The following PRRX1 variants were observed in gnomAD, a reference collection of about 807,000 sequenced individuals.
PRRX1 encodes the protein paired related homeobox 1.
PRRX1 carries 8 observed loss-of-function variants against 24.0 expected under a neutral mutation model. The ratio of observed to expected loss-of-function variants is 0.33; its 90% CI spans 0.20 to 0.60. The LOEUF (loss-of-function observed/expected upper bound fraction) is 0.60. Ranked by LOEUF, PRRX1 falls within the 20% of genes least tolerant of loss-of-function variation. The pLI is 0.82. For missense variants in PRRX1, 281 were observed against 322.4 expected (o/e 0.87, Z 0.98); for synonymous variants, 160 against 131.7 (o/e 1.22, Z -1.47).
At chr1:170,673,381 C>CT (rs1168831840) in intron 1 of PRRX1, among the ~76,000 whole-genome samples, 1 of 152,164 alleles carries the variant, frequency 6.6e-6, no homozygotes, top group Non-Finnish European at 1.5e-5. Context: ...AAATTGTTGC[C>CT]TGTGTTCAGT....
At chr1:170,733,169 C>T (rs1225548684) in intron 3 of PRRX1, among the ~76,000 whole-genome samples, 1 of 152,158 alleles carries the variant, frequency 6.6e-6, no homozygotes, top group Non-Finnish European at 1.5e-5. Flanking sequence ...GCTAAGTCCT[C>T]AGACTAGAAT....
At chr1:170,714,763 T>G (rs1181278817) in intron 1 of PRRX1, among the ~76,000 whole-genome samples, 1 of 152,116 alleles carries the variant, frequency 6.6e-6, no homozygotes, top group Non-Finnish European at 1.5e-5. Flanking sequence ...TGCCTTCTTC[T>G]CCACCTTCCC....
At chr1:170,689,862 C>G (rs377669185) in intron 1 of PRRX1, among the ~76,000 whole-genome samples, 1 of 133,310 alleles carries the variant, frequency 7.5e-6, no homozygotes, top group African/African-American at 2.9e-5. Context: ...CTCTCTCTCT[C>G]TCTCTCTCTC....
intron 1 of PRRX1, among the ~76,000 whole-genome samples, chr1:170,692,899 G>A (rs927846976): frequency 6.6e-6 from 1 of 151,992 alleles, no homozygotes; most frequent in African/African-American, 2.4e-5. Context: ...TTAGGACTTG[G>A]CCTAATCCTA....
At chr1:170,677,731 T>A (rs139736078) in intron 1 of PRRX1, among the ~76,000 whole-genome samples, 1 of 152,340 alleles carries the variant, frequency 6.6e-6, no homozygotes, top group East Asian at 1.9e-4. Context: ...GCTCAGAAGT[T>A]GCTGACTATG....
rs1183927990 is a variant in PRRX1, at chr1:170,697,657, A to AATATACATATATTTATATATGCATAT, written c.242-22057_242-22032dup. ...AAAAGATATATTTTATGTATCTGTA[A>AATATACATATATTTATATATGCATAT]ATATACATATATTTATATATGCATA... is the stretch of plus-strand genomic sequence containing the variant. On this transcript the variant is annotated intron_variant, in intron 1 of 3. Coordinates refer to ENST00000239461, the MANE Select transcript of PRRX1 (RefSeq NM_022716.4). 5.6e-4 allele frequency among the ~76,000 whole-genome samples: 83 copies of AATATACATATATTTATATATGCATAT among 148,586 alleles called. No individual in the cohort carries two copies. The South Asian group carries it at 0.016, about 29-fold the overall frequency.
intron 2 of PRRX1, among the ~76,000 whole-genome samples, chr1:170,724,296 C>T (rs1257283152): frequency 6.6e-6 from 1 of 152,160 alleles, no homozygotes; most frequent in East Asian, 1.9e-4. Context: ...AATTAGATCC[C>T]ATTTGTCAAT....
Position 170,736,282 on chromosome 1 carries a change from A to G in PRRX1, c.*96A>G. ...TCTTCATCTGCTGGGGGGAAAAAGTAAATTACAAACAAACAAACAAAGCAG... is the reference window on the plus strand; with the variant it reads ...TCTTCATCTGCTGGGGGGAAAAAGTGAATTACAAACAAACAAACAAAGCAG... On this transcript the variant is annotated 3_prime_UTR_variant, in exon 4 of 4. Transcript: ENST00000239461. The G allele has an allele frequency of 1.3e-6, 2 of 1,506,194 alleles. No individual in the cohort carries two copies. Among genetic ancestry groups the G allele is most frequent in the Middle Eastern group, 1.9e-4 (1 of 5,338 alleles). The allele number at this position is 1,506,194 out of a possible 1,614,324, so 93.3% of individuals were successfully genotyped here. A position where few individuals can be genotyped will look rare whatever the true frequency, so the allele number is the denominator to read the frequency against.
intron 3 of PRRX1, 137 bp from the exon 4 acceptor site, chr1:170,735,911 G>A (rs1655585063): frequency 8.6e-7 from 1 of 1,161,880 alleles, no homozygotes; most frequent in Non-Finnish European, 1.3e-6. Flanking sequence ...GGCTGTAAGG[G>A]ACCCTAGAGG....
chr1:170,703,870 A>G (rs1654475436), intron 1 of PRRX1, among the ~76,000 whole-genome samples: 1 of 152,226 alleles, frequency 6.6e-6, no homozygotes. Context: ...ACCAAAATAC[A>G]TAGAAAACAA....
At chr1:170,668,012 C>G (rs1233315257) in intron 1 of PRRX1, 2 of 152,244 alleles carry the variant, frequency 1.3e-5, no homozygotes, top group Non-Finnish European at 2.9e-5. Flanking sequence ...TCCCCACCCC[C>G]ACCTTGGTTG....
intron 1 of PRRX1, among the ~76,000 whole-genome samples, chr1:170,713,952 G>C (rs546182460): frequency 1.3e-5 from 2 of 152,268 alleles, no homozygotes; most frequent in South Asian, 2.1e-4. Flanking sequence ...CTCTTGATAC[G>C]TGCTGGGAGT....
chr1:170,700,828 A>G (rs141588938), intron 1 of PRRX1, among the ~76,000 whole-genome samples: 15 of 152,276 alleles, frequency 9.9e-5, no homozygotes, highest in South Asian at 8.3e-4. Context: ...GTCCTCTACC[A>G]TCTGGCCCTA....
intron 1 of PRRX1, among the ~76,000 whole-genome samples, chr1:170,704,265 C>T (rs116338599): frequency 5.7e-4 from 87 of 152,254 alleles, no homozygotes; most frequent in African/African-American, 1.5e-3. Context: ...CCTATATAAA[C>T]GCAACCTCTC....
In PRRX1 at chr1:170,709,713, A is replaced by C. The variant is rs143870097; in HGVS notation, c.242-10013A>C. Reference sequence around the variant, plus strand: ...TACTCAGAGCATCTCATCGCTTGGCATGTAGGTGCTCAATAGATATTTGTT... The same window carrying C: ...TACTCAGAGCATCTCATCGCTTGGCCTGTAGGTGCTCAATAGATATTTGTT... On this transcript the variant is annotated intron_variant, in intron 1 of 3. Coordinates refer to ENST00000239461, the MANE Select transcript of PRRX1 (RefSeq NM_022716.4). Among the ~76,000 whole-genome samples the C allele has an allele frequency of 6.1e-3, 924 of 152,306 alleles. 33 individuals carry two copies. The highest frequency in any genetic ancestry group is 0.052 in the Admixed American group (788 of 15,278).
intron 3 of PRRX1, among the ~76,000 whole-genome samples, chr1:170,735,786 C>T (rs1655581955): frequency 6.6e-6 from 1 of 152,178 alleles, no homozygotes; most frequent in African/African-American, 2.4e-5. Context: ...TCATTACTCA[C>T]TGTATCCACC....
intron 3 of PRRX1, among the ~76,000 whole-genome samples, chr1:170,733,154 A>G (rs1379242828): frequency 6.6e-6 from 1 of 152,166 alleles, no homozygotes; most frequent in Non-Finnish European, 1.5e-5. Flanking sequence ...GAAATGTGTT[A>G]CCCTGCTAAG....
intron 1 of PRRX1, among the ~76,000 whole-genome samples, chr1:170,697,725 AATATATACATATATAAAT>A (rs1654219040): frequency 6.9e-6 from 1 of 145,336 alleles, no homozygotes; most frequent in African/African-American, 2.6e-5. Context: ...TAGATATATA[AATATATACATATATAAAT>A]ATATATACAT....
At chr1:170,717,035 A>G (rs1654926951) in intron 1 of PRRX1, among the ~76,000 whole-genome samples, 1 of 152,218 alleles carries the variant, frequency 6.6e-6, no homozygotes, top group South Asian at 2.1e-4. Flanking sequence ...TTGCCCGCTC[A>G]TCGTCTCTTT....
Sources: allele counts gnomAD v4.1 joint callset (sites outside exome capture counted in the v4.1 genomes callset), GRCh38; gene constraint gnomAD v4.1.1; transcripts MANE v1.5; gene names NCBI Gene and HGNC (gene_info 2026-07-23, HGNC 2026-07-21).